BMPER: variants seen among roughly 807,000 people sequenced by gnomAD.
BMPER encodes the protein BMP binding endothelial regulator.
BMPER carries 45 observed loss-of-function variants against 87.3 expected under a neutral mutation model. The observed-to-expected ratio is 0.52, with a 90% CI of 0.41 to 0.66. The LOEUF is 0.66. Among genes scored for constraint, BMPER ranks in the 30% least tolerant of loss-of-function variants. The pLI, the probability that BMPER is intolerant of heterozygous loss-of-function variation, is 0.00. For missense variants in BMPER, 784 were observed against 867.5 expected (o/e 0.90, Z 1.21); for synonymous variants, 326 against 316.2 (o/e 1.03, Z -0.33).
chr7:34,058,265 C>A, intron 10 of BMPER, 102 bp downstream of exon 10: 1 of 1,110,084 alleles, frequency 9.0e-7, no homozygotes, highest in Non-Finnish European at 1.3e-6. Context: ...CCAGCTCCCC[C>A]AAAGCCTCTA....
intron 11 of BMPER, among the ~76,000 whole-genome samples, chr7:34,069,217 A>G (rs1385819936): frequency 6.6e-6 from 1 of 152,220 alleles, no homozygotes; most frequent in Non-Finnish European, 1.5e-5. Flanking sequence ...CAGCTAAACG[A>G]CAAAACAAAT....
At chr7:34,070,593 G>A (rs566365525) in intron 11 of BMPER, among the ~76,000 whole-genome samples, 20 of 152,088 alleles carry the variant, frequency 1.3e-4, no homozygotes, top group Middle Eastern at 3.4e-3. Context: ...CTTCCCTTGC[G>A]GTTTCCCAGA....
At chr7:34,059,765 TAGAG>T (rs1313706938) in intron 10 of BMPER, among the ~76,000 whole-genome samples, 7 of 149,438 alleles carry the variant, frequency 4.7e-5, no homozygotes, top group East Asian at 4.0e-4. Context: ...AAAAAAGAGA[TAGAG>T]AGGAGGAGCT....
intron 6 of BMPER, among the ~76,000 whole-genome samples, chr7:33,989,913 A>T (rs1272554146): frequency 6.6e-6 from 1 of 152,164 alleles, no homozygotes; most frequent in East Asian, 1.9e-4. Flanking sequence ...TTTGTCAAAG[A>T]TCAGATAGTT....
chr7:34,057,010 C>A (rs543493715), intron 9 of BMPER, among the ~76,000 whole-genome samples: 2 of 152,164 alleles, frequency 1.3e-5, no homozygotes, highest in Non-Finnish European at 2.9e-5. Context: ...GAAATGTGTA[C>A]TCAGAGAACT....
chr7:34,043,069 C>T (rs541413775), intron 6 of BMPER: 6 of 152,012 alleles, frequency 3.9e-5, no homozygotes, highest in Non-Finnish European at 5.9e-5. Context: ...GTATATTTAA[C>T]GAAGATGGAA....
intron 3 of BMPER, among the ~76,000 whole-genome samples, chr7:33,948,269 C>T (rs1432509647): frequency 1.3e-5 from 2 of 152,150 alleles, no homozygotes; most frequent in East Asian, 1.9e-4. Context: ...ATGTAAACTA[C>T]ACTGTGAAAG....
At chr7:34,041,038 A>G (rs1787819748) in intron 6 of BMPER, among the ~76,000 whole-genome samples, 1 of 152,208 alleles carries the variant, frequency 6.6e-6, no homozygotes, top group Non-Finnish European at 1.5e-5. Flanking sequence ...AAGGAGAGAA[A>G]GTTCTGGCCA....
In BMPER at chr7:34,086,070, G is replaced by A. The variant is rs1253288366; in HGVS notation, c.1723G>A (p.Val575Met). Residue 575 changes from valine to methionine, a missense_variant, in exon 13 of 15, where the codon GTG becomes ATG. Transcript: ENST00000649409. ...GGAGTTTCAGACCTGCCACTCGACTGTGGACTACGCCACTTTCTACCGGTA... is the reference window on the plus strand; with the variant it reads ...GGAGTTTCAGACCTGCCACTCGACTATGGACTACGCCACTTTCTACCGGTA... ...SWEFQTCHST[V>M]DYATFYRSCV... 3 of 1,614,020 alleles carry A rather than the reference G, an allele frequency of 1.9e-6. No individual in the cohort carries two copies. Among genetic ancestry groups the A allele is most frequent in the Admixed American group, 1.7e-5 (1 of 60,026 alleles).
intron 13 of BMPER, among the ~76,000 whole-genome samples, chr7:34,108,528 A>G (rs1180220769): frequency 1.3e-5 from 2 of 152,232 alleles, no homozygotes; most frequent in Non-Finnish European, 2.9e-5. Context: ...ACTGAGTGAC[A>G]TACAGAGCAT....
chr7:33,999,071 C>T (rs1210937230), intron 6 of BMPER, among the ~76,000 whole-genome samples: 3 of 152,218 alleles, frequency 2.0e-5, no homozygotes, highest in Non-Finnish European at 2.9e-5. Flanking sequence ...AGATTTCATG[C>T]GAAGTCATTC....
At chr7:34,058,192 C>G in intron 10 of BMPER, 29 bp downstream of exon 10, 1 of 1,592,872 alleles carries the variant, frequency 6.3e-7, no homozygotes, top group Non-Finnish European at 8.6e-7. Flanking sequence ...TTGACTTTAC[C>G]TTAGCGTCTT....
At chr7:34,053,947 C>A (rs1021812187) in intron 8 of BMPER, among the ~76,000 whole-genome samples, 2 of 152,156 alleles carry the variant, frequency 1.3e-5, no homozygotes, top group Non-Finnish European at 2.9e-5. Flanking sequence ...ATTTATCTAC[C>A]AGCAATGTTA....
intron 13 of BMPER, among the ~76,000 whole-genome samples, chr7:34,113,170 T>C (rs1235305885): frequency 6.6e-6 from 1 of 151,876 alleles, no homozygotes; most frequent in African/African-American, 2.4e-5. Context: ...TAGGTAAAAA[T>C]TGGTTTCTCA....
rs140425943 is a variant in BMPER, at chr7:33,920,724, C to T, written c.219+13821C>T. Among the ~76,000 whole-genome samples the T allele has an allele frequency of 2.6e-5, 4 of 152,200 alleles. No individual in the cohort carries two copies. The East Asian group carries it at 7.7e-4, about 29-fold the overall frequency. ...ACAGGCGTGAGCCATCGCACCTGGC[C>T]AGAAAGCTCCATTTTTAATAAACCC... On this transcript the variant is annotated intron_variant, in intron 2 of 14. Transcript: ENST00000649409.
chr7:33,953,813 C>G lies in BMPER; in HGVS notation c.320-12666C>G, dbSNP rs139678844. On this transcript the variant is annotated intron_variant, in intron 3 of 14. Transcript: ENST00000649409. ...ACAATATCTTCTCTTTCTCTCCTCC[C>G]CTCAGCCCTTGGTAGCCTGCATTCC... is the stretch of plus-strand genomic sequence containing the variant. 2.3e-4 allele frequency among the ~76,000 whole-genome samples: 35 copies of G among 152,268 alleles called. 1 individual carries two copies. In the East Asian group the frequency reaches 6.6e-3, roughly 29 times the overall value.
In BMPER at chr7:33,982,497, A is replaced by G. The variant is rs187026081; in HGVS notation, c.576+7713A>G. Among the ~76,000 whole-genome samples the G allele has an allele frequency of 2.5e-3, 379 of 151,860 alleles. 4 individuals are homozygous for G. The highest frequency in any genetic ancestry group is 2.3e-3 in the Non-Finnish European group (156 of 67,950). On this transcript the variant is annotated intron_variant, in intron 6 of 14. Coordinates refer to ENST00000649409, the MANE Select transcript of BMPER (RefSeq NM_001365308.1). ...GTACCATCTTGATTTTGAACAGTCA[A>G]TTGAAAAAAAAAAAAAAGTTTTCTT...
chr7:33,908,809 T>C (rs1585624327), intron 2 of BMPER, among the ~76,000 whole-genome samples: 1 of 152,236 alleles, frequency 6.6e-6, no homozygotes, highest in Non-Finnish European at 1.5e-5. Flanking sequence ...TATGTTATCA[T>C]GACCTTTGCA....
intron 3 of BMPER, among the ~76,000 whole-genome samples, chr7:33,949,732 C>T (rs908804612): frequency 5.9e-5 from 9 of 152,106 alleles, no homozygotes; most frequent in African/African-American, 2.2e-4. Context: ...TCCACCTGGC[C>T]TCAGAAATTT....
Sources: allele counts gnomAD v4.1 joint callset (sites outside exome capture counted in the v4.1 genomes callset), GRCh38; gene constraint gnomAD v4.1.1; transcripts MANE v1.5; gene names NCBI Gene and HGNC (gene_info 2026-07-23, HGNC 2026-07-21).